Variants in SDC3 observed in about 807,000 individuals in gnomAD.
SDC3 encodes the protein syndecan 3.
A neutral mutation model predicts 24.4 loss-of-function variants in SDC3; 13 were observed. That is an observed-to-expected ratio of 0.53 (90% CI 0.35 to 0.85). The LOEUF is 0.85. SDC3 is among the 40% of genes least tolerant of loss of function. The pLI, the probability that SDC3 is intolerant of heterozygous loss-of-function variation, is 0.01. For synonymous variants in SDC3, 295 were observed against 260.9 expected (o/e 1.13, Z -1.26); for missense variants, 571 against 584.5 (o/e 0.98, Z 0.24).
chr1:30,902,253 C>T (rs549766806), intron 1 of SDC3, among the ~76,000 whole-genome samples: 8 of 152,218 alleles, frequency 5.3e-5, no homozygotes, highest in African/African-American at 1.7e-4. Context: ...TTGGGGCCAC[C>T]GCCACCCCCA....
In SDC3 at chr1:30,876,845, C is replaced by T. The variant is rs776123477; in HGVS notation, c.577G>A (p.Ala193Thr). Residue 193 changes from alanine to threonine, a missense_variant, in exon 3 of 5, where the codon GCA (alanine) becomes ACA (threonine). Around this residue, in one of 2 missense-constraint regions of SDC3, gnomAD observed 497 missense variants for 471.6 expected, o/e 1.05. Transcript: ENST00000339394. ...GCAGTGGTGGCCGTAAAAGGGGGTG[C>T]TGCAGGGGTGCTGGGGGTGGCGGTG... ...VATATPSTPAAPPFTATTAVI... is the reference protein window; with the variant it reads ...VATATPSTPATPPFTATTAVI... The T allele has an allele frequency of 6.2e-6, 10 of 1,613,116 alleles. No homozygotes were observed. Among genetic ancestry groups the T allele is most frequent in the Non-Finnish European group, 8.5e-6 (10 of 1,179,604 alleles).
chr1:30,908,969 C>T (rs1638596347), upstream of SDC3, among the ~76,000 whole-genome samples: 1 of 151,790 alleles, frequency 6.6e-6, no homozygotes, highest in Non-Finnish European at 1.5e-5. Context: ...AGTGAGCAGC[C>T]GGCCTCGCCG....
chr1:30,885,362 AAAGGTTCC>A (rs1639812960), intron 1 of SDC3, among the ~76,000 whole-genome samples: 3 of 152,228 alleles, frequency 2.0e-5, no homozygotes, highest in African/African-American at 7.2e-5. Flanking sequence ...CATTATAACT[AAAGGTTCC>A]CAGAGGCTCT....
At chr1:30,882,135 GC>G (rs1639754074) in intron 1 of SDC3, among the ~76,000 whole-genome samples, 1 of 152,116 alleles carries the variant, frequency 6.6e-6, no homozygotes, top group South Asian at 2.1e-4. Flanking sequence ...CCCTGAACCT[GC>G]CCCAGCAGAC....
chr1:30,884,040 G>A (rs1639784414), intron 1 of SDC3, among the ~76,000 whole-genome samples: 1 of 152,138 alleles, frequency 6.6e-6, no homozygotes, highest in African/African-American at 2.4e-5. Context: ...CAGCCAAGGG[G>A]GCTGCACAAT....
Position 30,907,708 on chromosome 1 carries a change from C to T in SDC3, c.138+741G>A, listed in dbSNP as rs532629901. Among the ~76,000 whole-genome samples the T allele has an allele frequency of 2.0e-4, 30 of 152,252 alleles. No homozygotes were observed. The South Asian group carries it at 4.1e-3, about 21-fold the overall frequency. ...GGCAGACACATCCTTCACCTGCACACGCCCCACAGGTCCCCGCACCCCTCA... is the reference window on the plus strand; with the variant it reads ...GGCAGACACATCCTTCACCTGCACATGCCCCACAGGTCCCCGCACCCCTCA... On this transcript the variant is annotated intron_variant, in intron 1 of 4. Coordinates refer to ENST00000339394, the MANE Select transcript of SDC3 (RefSeq NM_014654.4).
chr1:30,876,840 G>A lies in SDC3; in HGVS notation c.582C>T (p.Pro194=), dbSNP rs995484827. The change falls in exon 3 of 5, where the codon CCC becomes CCT. Residue 194 remains proline (P), a synonymous_variant. Transcript: ENST00000339394. ...TAACAGCAGTGGTGGCCGTAAAAGGGGGTGCTGCAGGGGTGCTGGGGGTGG... is the reference window on the plus strand; with the variant it reads ...TAACAGCAGTGGTGGCCGTAAAAGGAGGTGCTGCAGGGGTGCTGGGGGTGG... ...ATATPSTPAA[P]PFTATTAVIR... is the part of the protein sequence containing the mutation. 3 of 1,612,418 alleles carry A rather than the reference G, an allele frequency of 1.9e-6. No individual in the cohort carries two copies. The highest frequency in any genetic ancestry group is 1.7e-6 in the Non-Finnish European group (2 of 1,179,312).
chr1:30,905,960 G>GACAC (rs140209147), intron 1 of SDC3, among the ~76,000 whole-genome samples: 39,052 of 147,350 alleles, frequency 0.27, 5,159 homozygotes, highest in Admixed American at 0.3. Flanking sequence ...AAGACACGAA[G>GACAC]ACACACACAC....
intron 1 of SDC3, among the ~76,000 whole-genome samples, chr1:30,881,617 G>C (rs112386131): frequency 1.3e-5 from 2 of 152,202 alleles, no homozygotes; most frequent in African/African-American, 2.4e-5. Flanking sequence ...GCCCATGAAG[G>C]CCTGAGCATC....
intron 1 of SDC3, among the ~76,000 whole-genome samples, chr1:30,902,739 G>T (rs897165014): frequency 6.6e-6 from 1 of 152,204 alleles, no homozygotes; most frequent in Non-Finnish European, 1.5e-5. Context: ...CCCAGATGTG[G>T]TGGTGGCAGT....
rs1639920907 is a variant in SDC3, at chr1:30,892,441, G to GGCCCCCA, written c.139-13702_139-13701insTGGGGGC. ...TTAGCCCCAGGCCCCCAGGCCCCCA[G>GGCCCCCA]GGAATGAATGAATGAATGAATGAAT... On this transcript the variant is annotated intron_variant, in intron 1 of 4. Transcript: ENST00000339394. Among the ~76,000 whole-genome samples the GGCCCCCA allele has an allele frequency of 9.7e-5, 14 of 144,702 alleles. No homozygotes were observed. In the South Asian group the frequency reaches 3.2e-3, roughly 34 times the overall value. The allele number at this position is 144,702 out of a possible 152,430, so 94.9% of individuals were successfully genotyped here.
intron 1 of SDC3, among the ~76,000 whole-genome samples, chr1:30,906,536 C>G (rs995881619): frequency 2.6e-5 from 4 of 152,244 alleles, no homozygotes; most frequent in Non-Finnish European, 5.9e-5. Flanking sequence ...AGTGGCCTGC[C>G]CAGCGCTCCA....
At position 30,908,261 on chromosome 1, in the gene SDC3, G is replaced by C. The variant is rs866372096; in HGVS notation, c.138+188C>G. Among the ~76,000 whole-genome samples, 25 of 150,300 alleles carry C rather than the reference G, an allele frequency of 1.7e-4. No individual in the cohort carries two copies. In the East Asian group the frequency reaches 2.8e-3, roughly 17 times the overall value. On this transcript the variant is annotated intron_variant, in intron 1 of 4. Transcript: ENST00000339394. Reference sequence around the variant, plus strand: ...CCAGCTAGGGGGAGATTCCGGAGGGGGGGGAGCAGGGTGCAGAAAGGGGCG... The same window carrying C: ...CCAGCTAGGGGGAGATTCCGGAGGGCGGGGAGCAGGGTGCAGAAAGGGGCG...
At chr1:30,904,653 C>T (rs1638481660) in intron 1 of SDC3, among the ~76,000 whole-genome samples, 1 of 152,258 alleles carries the variant, frequency 6.6e-6, no homozygotes, top group Non-Finnish European at 1.5e-5. Flanking sequence ...TCACAGCCCC[C>T]AGTAGTGATT....
In SDC3 at chr1:30,872,889, A is replaced by C. The variant is rs1569985299; in HGVS notation, c.*322T>G. ...AGGGCTCAGGCTCATCTCAAGCCCC[A>C]CCCTTTCTTCCACCACCAGCCAATC... On this transcript the variant is annotated 3_prime_UTR_variant, in exon 5 of 5. Transcript: ENST00000339394. 5.6e-6 allele frequency: 2 copies of C among 359,222 alleles called. No homozygotes were observed. Among genetic ancestry groups the C allele is most frequent in the African/African-American group, 4.1e-5 (2 of 48,858 alleles). The allele number at this position is 359,222 out of a possible 1,614,324, so 22.3% of individuals were successfully genotyped here.
At chr1:30,905,324 C>A (rs1638497325) in intron 1 of SDC3, among the ~76,000 whole-genome samples, 1 of 93,960 alleles carries the variant, frequency 1.1e-5, no homozygotes, top group African/African-American at 4.1e-5. Flanking sequence ...CACCCCCACC[C>A]CCACCCCCAT....
intron 3 of SDC3, among the ~76,000 whole-genome samples, chr1:30,875,238 G>A (rs1639616723): frequency 6.6e-6 from 1 of 152,222 alleles, no homozygotes; most frequent in African/African-American, 2.4e-5. Context: ...TTCAAAGGTG[G>A]GCATGGAAAG....
intron 1 of SDC3, among the ~76,000 whole-genome samples, chr1:30,882,303 GC>G (rs1639756595): frequency 1.3e-5 from 2 of 152,220 alleles, no homozygotes; most frequent in South Asian, 4.1e-4. Context: ...GTGGACTGAT[GC>G]CCCCTGCTTC....
At chr1:30,905,502 G>A (rs904136653) in intron 1 of SDC3, among the ~76,000 whole-genome samples, 4 of 151,628 alleles carry the variant, frequency 2.6e-5, no homozygotes, top group Admixed American at 2.6e-4. Flanking sequence ...CCAGCCACTG[G>A]GCTAAAAGCT....
Sources: allele counts gnomAD v4.1 joint callset (sites outside exome capture counted in the v4.1 genomes callset), GRCh38; gene constraint gnomAD v4.1.1; regional missense constraint gnomAD v4.1.1; transcripts MANE v1.5; gene names NCBI Gene and HGNC (gene_info 2026-07-23, HGNC 2026-07-21).